Variants in SPATA1 observed in about 807,000 individuals in gnomAD.
SPATA1 encodes the protein spermatogenesis associated 1.
SPATA1 carries 57 observed loss-of-function variants against 59.6 expected under a neutral mutation model. The observed-to-expected ratio is 0.96, with a 90% CI of 0.77 to 1.19. The LOEUF (loss-of-function observed/expected upper bound fraction) is 1.19, where lower values mean the gene tolerates loss of function less well. SPATA1 is among the 50% of genes most tolerant of loss of function. The probability of loss-of-function intolerance (pLI) is 0.00; values close to 1 mark genes in which losing one functional copy is unlikely to be tolerated. For synonymous variants in SPATA1, 147 were observed against 163.9 expected (o/e 0.90, Z 0.79); for missense variants, 448 against 480.7 (o/e 0.93, Z 0.64).
intron 2 of SPATA1, chr1:84,520,320 A>T: frequency 6.3e-6 from 2 of 315,108 alleles, no homozygotes; most frequent in Non-Finnish European, 1.1e-5. Flanking sequence ...AGGCCACAGA[A>T]AAAAACACCA....
intron 10 of SPATA1, 131 bp downstream of exon 10, chr1:84,545,890 A>T (rs1684070717): frequency 3.4e-6 from 2 of 590,734 alleles, no homozygotes; most frequent in Admixed American, 4.6e-5. Context: ...GTGGTACATG[A>T]TTAAGTTCAA....
intron 6 of SPATA1, among the ~76,000 whole-genome samples, chr1:84,530,782 T>C (rs1236297850): frequency 6.6e-6 from 1 of 152,244 alleles, no homozygotes; most frequent in African/African-American, 2.4e-5. Flanking sequence ...TGTGTTTGAC[T>C]AAAGCCCATG....
chr1:84,548,663 G>T, intron 10 of SPATA1, 123 bp from the exon 11 acceptor site: 2 of 1,182,628 alleles, frequency 1.7e-6, no homozygotes, highest in Non-Finnish European at 2.2e-6. Context: ...AGGAGAGAAA[G>T]AGGAAAATGG....
chr1:84,562,182 G>A (rs1248217378), intron 4 of SPATA1, among the ~76,000 whole-genome samples: 2 of 152,148 alleles, frequency 1.3e-5, no homozygotes, highest in African/African-American at 2.4e-5. Flanking sequence ...TCCAAGAGGG[G>A]CGTACAGTAT....
intron 1 of SPATA1, among the ~76,000 whole-genome samples, chr1:84,513,153 C>T (rs1047149036): frequency 2.0e-5 from 3 of 152,134 alleles, no homozygotes; most frequent in African/African-American, 7.2e-5. Context: ...GAGTTTCGCT[C>T]TTGTTGCCCA....
At chr1:84,561,310 G>A (rs1041855715) in intron 4 of SPATA1, among the ~76,000 whole-genome samples, 1 of 152,202 alleles carries the variant, frequency 6.6e-6, no homozygotes, top group African/African-American at 2.4e-5. Flanking sequence ...GAAACAGCAA[G>A]AGAATTAGAA....
chr1:84,563,390 G>C, intron 4 of SPATA1: 1 of 1,575,466 alleles, frequency 6.3e-7, no homozygotes, highest in South Asian at 1.2e-5. Flanking sequence ...CCCCCGGAAA[G>C]GGACTTTTGC....
downstream of SPATA1, among the ~76,000 whole-genome samples, chr1:84,558,017 G>A (rs974486434): frequency 6.6e-6 from 1 of 152,066 alleles, no homozygotes; most frequent in African/African-American, 2.4e-5. Flanking sequence ...CCAGAGGCTG[G>A]GGGTGGGAAG....
intron 12 of SPATA1, chr1:84,552,254 G>C (rs1405257474): frequency 2.0e-5 from 3 of 152,116 alleles, no homozygotes; most frequent in Admixed American, 1.3e-4. Flanking sequence ...CATAAGTAGT[G>C]CTTCTCAAAG....
intron 8 of SPATA1, among the ~76,000 whole-genome samples, chr1:84,540,005 TC>T (rs2101989227): frequency 1.3e-5 from 2 of 152,320 alleles, no homozygotes; most frequent in South Asian, 4.1e-4. Context: ...TGGCCTGAAT[TC>T]TTCCTTACTG....
chr1:84,563,277 C>A, intron 4 of SPATA1: 1 of 1,557,482 alleles, frequency 6.4e-7, no homozygotes, highest in Non-Finnish European at 8.7e-7. Context: ...TAATAAGGAG[C>A]CCGCTGATCT....
At chr1:84,511,681 T>TTTTTTTTTTTTTTC (rs1682564251) in intron 1 of SPATA1, among the ~76,000 whole-genome samples, 1 of 128,244 alleles carries the variant, frequency 7.8e-6, no homozygotes, top group African/African-American at 3.2e-5. Flanking sequence ...CTTTCTTTCT[T>TTTTTTTTTTTTTTC]TTTTTTTTTT....
chr1:84,509,657 T>C (rs1014572502), intron 1 of SPATA1, among the ~76,000 whole-genome samples: 3 of 152,144 alleles, frequency 2.0e-5, no homozygotes, highest in African/African-American at 7.2e-5. Context: ...TCGCAGCTAC[T>C]TGGGAAGCTG....
downstream of SPATA1, among the ~76,000 whole-genome samples, chr1:84,566,715 C>T (rs1269162783): frequency 6.6e-6 from 1 of 152,216 alleles, no homozygotes; most frequent in African/African-American, 2.4e-5. Flanking sequence ...TCACTGCAAC[C>T]TCTGCCTCCT....
At chr1:84,530,200 A>G (rs1028390946) in intron 6 of SPATA1, among the ~76,000 whole-genome samples, 1 of 152,146 alleles carries the variant, frequency 6.6e-6, no homozygotes, top group African/African-American at 2.4e-5. Flanking sequence ...TTCTTAAGGT[A>G]GCATAGAGAA....
downstream of SPATA1, among the ~76,000 whole-genome samples, chr1:84,566,469 A>T (rs1254627174): frequency 6.6e-6 from 1 of 152,234 alleles, no homozygotes; most frequent in Non-Finnish European, 1.5e-5. Flanking sequence ...TGGGAGTTTC[A>T]GCCTGATTCA....
At position 84,545,635 on chromosome 1, in the gene SPATA1, A is replaced by G. The variant is rs746740396; in HGVS notation, c.822A>G (p.Arg274=). ...GAATATGAGTTATAATCTCTTTAGG[A>G]GAGAAGATTATCAAACAAATGAAAC... The change falls in exon 10 of 13, where the codon AGA becomes AGG. Residue 274 remains arginine (R), a splice_region_variant and synonymous_variant. Transcript: ENST00000490879. The G allele has an allele frequency of 6.6e-6, 10 of 1,511,122 alleles. No homozygotes were observed. The African/African-American group carries it at 1.4e-4, about 22-fold the overall frequency. 93.6% of individuals were successfully genotyped at this position (1,511,122 alleles called of 1,614,324 possible).
At chr1:84,557,815 G>A (rs1328451320), downstream of SPATA1, among the ~76,000 whole-genome samples, 2 of 149,508 alleles carry the variant, frequency 1.3e-5, no homozygotes, top group African/African-American at 5.0e-5. Flanking sequence ...CCAAGATCGC[G>A]CCACTGCACA....
At chr1:84,539,177 G>A (rs897860370) in intron 8 of SPATA1, among the ~76,000 whole-genome samples, 4 of 152,128 alleles carry the variant, frequency 2.6e-5, no homozygotes, top group African/African-American at 9.7e-5. Flanking sequence ...AATGGAGTCT[G>A]TACAAGCCCT....
Sources: gnomAD v4.1 joint callset for allele counts (sites outside exome capture counted in the v4.1 genomes callset) on GRCh38, gnomAD v4.1.1 for gene constraint, MANE v1.5 for transcripts, NCBI Gene and HGNC (gene_info 2026-07-23, HGNC 2026-07-21) for gene names.